ZMYM2: variants seen among roughly 807,000 people sequenced by gnomAD.
The protein encoded by ZMYM2 is zinc finger MYM-type containing 2.
ZMYM2 carries 56 observed loss-of-function variants against 162.8 expected under a neutral mutation model. The observed-to-expected ratio is 0.34, with a 90% CI of 0.28 to 0.43. The LOEUF (loss-of-function observed/expected upper bound fraction) is 0.43. Ranked by LOEUF, ZMYM2 falls within the 20% of genes least tolerant of loss-of-function variation. The pLI, the probability that ZMYM2 is intolerant of heterozygous loss-of-function variation, is 1.00. For synonymous variants in ZMYM2, 510 were observed against 541.6 expected, an observed-to-expected ratio of 0.94 and a Z score of 0.81; for missense variants, 1,275 against 1,621.8, an observed-to-expected ratio of 0.79 and a Z score of 3.67.
chr13:19,885,950 T>TATGTGTGTATATGTGTATAC, the ZMYM2 span, among the ~76,000 whole-genome samples: 1 of 79,654 alleles, frequency 1.3e-5, no homozygotes, highest in Non-Finnish European at 2.7e-5. Context: ...TATATGTATA[T>TATGTGTGTATATGTGTATAC]ACACATATAT....
At chr13:19,879,101 C>G in the ZMYM2 span, among the ~76,000 whole-genome samples, 1 of 152,134 alleles carries the variant, frequency 6.6e-6, no homozygotes, top group Non-Finnish European at 1.5e-5. Flanking sequence ...TTGTTTTCTT[C>G]TAAGAGTTTT....
At chr13:19,866,590 G>T in the ZMYM2 span, among the ~76,000 whole-genome samples, 1 of 152,120 alleles carries the variant, frequency 6.6e-6, no homozygotes. Flanking sequence ...ACTTGTACCT[G>T]GGAGGTGGGG....
chr13:19,904,496 T>G, the ZMYM2 span, among the ~76,000 whole-genome samples: 1 of 152,122 alleles, frequency 6.6e-6, no homozygotes, highest in African/African-American at 2.4e-5. Flanking sequence ...AGGCGGAGGT[T>G]GCTGTGAGCT....
At chr13:19,989,563 G>GC (rs1019415624) in intron 2 of ZMYM2, among the ~76,000 whole-genome samples, 52 of 152,152 alleles carry the variant, frequency 3.4e-4, no homozygotes, top group African/African-American at 1.1e-3. Flanking sequence ...CTCAGCCTCT[G>GC]CCCGTCTACA....
chr13:20,025,514 G>A (rs1952499195), intron 7 of ZMYM2: 1 of 163,482 alleles, frequency 6.1e-6, no homozygotes, highest in South Asian at 2.0e-4. Flanking sequence ...AAAAAAAATA[G>A]CCAGGCAATT....
Position 20,002,883 on chromosome 13 carries a change from G to A in ZMYM2, c.881G>A (p.Arg294His). ...ATCTCCCAGTCAGCTTCATTTCCCC[G>A]TAATCAGAAACAACCAGGGGTGGAC... ...SWISQSASFP[R>H]NQKQPGVDSL... Residue 294 changes from arginine to histidine, a missense_variant, in exon 4 of 25, where the codon CGT becomes CAT. By Grantham distance (29) the Arg-to-His change is conservative. Around this residue, in one of 10 missense-constraint regions of ZMYM2, gnomAD observed 115 missense variants for 175.3 expected, o/e 0.66. Coordinates refer to ENST00000610343, the MANE Select transcript of ZMYM2 (RefSeq NM_197968.4). The A allele has an allele frequency of 6.2e-7, 1 of 1,613,874 alleles. No homozygotes were observed. Among genetic ancestry groups the A allele is most frequent in the Non-Finnish European group, 8.5e-7 (1 of 1,179,946 alleles).
chr13:20,046,564 A>AATATAT (rs1555317285), intron 12 of ZMYM2, among the ~76,000 whole-genome samples: 30 of 103,866 alleles, frequency 2.9e-4, no homozygotes, highest in African/African-American at 8.4e-4. Flanking sequence ...TAAAAAAAAA[A>AATATAT]ATATATATAT....
At chr13:20,031,871 T>TG (rs940968426) in intron 10 of ZMYM2, among the ~76,000 whole-genome samples, 1 of 150,538 alleles carries the variant, frequency 6.6e-6, no homozygotes, top group African/African-American at 2.4e-5. Flanking sequence ...AATTGTTTTT[T>TG]TTTTTTTTTT....
chr13:20,017,803 A>G (rs918184515), intron 6 of ZMYM2, among the ~76,000 whole-genome samples: 3 of 152,006 alleles, frequency 2.0e-5, no homozygotes, highest in African/African-American at 4.8e-5. Flanking sequence ...TTTGTTTTTT[A>G]AGTGCATGTG....
chr13:19,885,412 G>T, the ZMYM2 span, among the ~76,000 whole-genome samples: 2 of 152,190 alleles, frequency 1.3e-5, no homozygotes, highest in Admixed American at 1.3e-4. Context: ...CTTTACTGAA[G>T]ATTGGTTCTA....
Position 20,003,116 on chromosome 13 carries a change from C to G in ZMYM2, c.1114C>G (p.Leu372Val). 1 of 1,614,102 alleles carries G rather than the reference C, an allele frequency of 6.2e-7. No individual in the cohort carries two copies. Among genetic ancestry groups the G allele is most frequent in the Non-Finnish European group, 8.5e-7 (1 of 1,179,986 alleles). Reference protein sequence around the residue: ...SFSHKPAPKKLCVMCKKDITT... With the variant: ...SFSHKPAPKKVCVMCKKDITT... ...CTCCCACAAGCCTGCTCCAAAGAAACTCTGTGTTATGTGTAAAAAGTAAGG... is the reference window on the plus strand; with the variant it reads ...CTCCCACAAGCCTGCTCCAAAGAAAGTCTGTGTTATGTGTAAAAAGTAAGG... Residue 372 changes from leucine (L) to valine (V), a missense_variant, in exon 4 of 25, where the codon CTC becomes GTC. By Grantham distance (32) the Leu-to-Val change is conservative. Around this residue, in one of 10 missense-constraint regions of ZMYM2, gnomAD observed 115 missense variants for 175.3 expected, o/e 0.66. Transcript: ENST00000610343.
intron 9 of ZMYM2, among the ~76,000 whole-genome samples, chr13:20,029,391 A>G (rs897311241): frequency 3.9e-5 from 6 of 152,242 alleles, no homozygotes; most frequent in South Asian, 2.1e-4. Flanking sequence ...ATTTCAGCCT[A>G]TGAATTTGTG....
intron 12 of ZMYM2, among the ~76,000 whole-genome samples, chr13:20,037,145 C>T (rs940943716): frequency 6.6e-6 from 1 of 150,694 alleles, no homozygotes; most frequent in Non-Finnish European, 1.5e-5. Context: ...CCTATATTTT[C>T]AGCATTGTAG....
In ZMYM2 at chr13:20,061,115, T is replaced by A. The variant is rs1395735365; in HGVS notation, c.2802T>A (p.Ile934=). 6.2e-7 allele frequency: 1 copy of A among 1,612,946 alleles called. No homozygotes were observed. Among genetic ancestry groups the A allele is most frequent in the Admixed American group, 1.7e-5 (1 of 59,874 alleles). The change falls in exon 17 of 25, where the codon ATT becomes ATA. Residue 934 remains isoleucine, a synonymous_variant. Transcript: ENST00000610343. ...LDSSEKIPAA[I]EELKSKVSSD... Reference sequence around the variant, plus strand: ...GCAGTGAGAAGATTCCTGCAGCAATTGAGGAGCTAAAAAGCAAGGTTTCTT... The same window carrying A: ...GCAGTGAGAAGATTCCTGCAGCAATAGAGGAGCTAAAAAGCAAGGTTTCTT...
At chr13:19,981,280 G>GA (rs1957293374) in intron 2 of ZMYM2, among the ~76,000 whole-genome samples, 2 of 142,310 alleles carry the variant, frequency 1.4e-5, no homozygotes, top group Non-Finnish European at 3.0e-5. Context: ...CTAAAAAACA[G>GA]AAAAAACAAA....
At chr13:19,979,327 A>G (rs994546376) in intron 2 of ZMYM2, among the ~76,000 whole-genome samples, 1 of 152,028 alleles carries the variant, frequency 6.6e-6, no homozygotes, top group African/African-American at 2.4e-5. Context: ...TTGTTTCTTC[A>G]AATGTTTTGT....
At chr13:19,910,020 C>G in the ZMYM2 span, among the ~76,000 whole-genome samples, 1 of 149,846 alleles carries the variant, frequency 6.7e-6, no homozygotes, top group African/African-American at 2.5e-5. Flanking sequence ...TCGAGACCAT[C>G]CTGGCCAACA....
intron 21 of ZMYM2, among the ~76,000 whole-genome samples, chr13:20,079,411 C>G (rs1325819972): frequency 1.4e-5 from 2 of 140,260 alleles, no homozygotes; most frequent in Non-Finnish European, 3.1e-5. Context: ...AAGAAATCTA[C>G]TCTTCAGACA....
the ZMYM2 span, among the ~76,000 whole-genome samples, chr13:19,896,023 T>C: frequency 6.4e-5 from 7 of 108,898 alleles, 2 homozygotes; most frequent in African/African-American, 2.1e-4. Flanking sequence ...AGGAAAAATA[T>C]TCTGATTCCA....
Sources: gnomAD v4.1 joint callset for allele counts (sites outside exome capture counted in the v4.1 genomes callset) on GRCh38, gnomAD v4.1.1 for gene constraint, gnomAD v4.1.1 regional missense constraint, MANE v1.5 for transcripts, NCBI Gene and HGNC (gene_info 2026-07-23, HGNC 2026-07-21) for gene names.